FAM20C: variants seen among roughly 807,000 people sequenced by gnomAD.
FAM20C encodes extracellular serine/threonine protein kinase FAM20C.
Under a neutral mutation model 51.5 loss-of-function variants are expected in FAM20C, and 40 were observed. The ratio of observed to expected loss-of-function variants is 0.78; its 90% CI spans 0.60 to 1.01. FAM20C has a LOEUF of 1.01. Among genes scored for constraint, FAM20C ranks in the 50% least tolerant of loss-of-function variants. The pLI is 0.00. For synonymous variants in FAM20C, 406 were observed against 380.6 expected (o/e 1.07, Z -0.78); for missense variants, 861 against 844.7 (o/e 1.02, Z -0.24).
chr7:210,836 T>A (rs1322493331), intron 3 of FAM20C, among the ~76,000 whole-genome samples: 2 of 151,956 alleles, frequency 1.3e-5, no homozygotes, highest in Non-Finnish European at 2.9e-5. Flanking sequence ...TGGAGAACGG[T>A]GACATTTACC....
intron 2 of FAM20C, among the ~76,000 whole-genome samples, chr7:205,219 C>A (rs1422790182): frequency 6.6e-6 from 1 of 152,010 alleles, no homozygotes; most frequent in African/African-American, 2.4e-5. Context: ...AGTCTTCCCA[C>A]AGCCTCCCGA....
intron 3 of FAM20C, among the ~76,000 whole-genome samples, chr7:232,997 G>T (rs1490308458): frequency 6.6e-6 from 1 of 152,236 alleles, no homozygotes; most frequent in African/African-American, 2.4e-5. Context: ...AACAGCAGGA[G>T]CTGGTGTGTG....
At chr7:222,776 G>C (rs1219392502) in intron 3 of FAM20C, among the ~76,000 whole-genome samples, 1 of 152,184 alleles carries the variant, frequency 6.6e-6, no homozygotes, top group African/African-American at 2.4e-5. Context: ...GTATGAGTAG[G>C]TGAGCGTGTG....
intron 3 of FAM20C, among the ~76,000 whole-genome samples, chr7:216,549 G>A (rs1197848234): frequency 1.3e-5 from 2 of 151,898 alleles, no homozygotes; most frequent in Non-Finnish European, 2.9e-5. Flanking sequence ...ATGCTGGCCG[G>A]GGAATCTTTT....
rs1236812816 is a variant in FAM20C, at chr7:216,409, TGG to T, written c.863+7440_863+7441del. Among the ~76,000 whole-genome samples the T allele has an allele frequency of 3.7e-3, 22 of 5,920 alleles. 1 individual carries two copies. The highest frequency in any genetic ancestry group is 0.018 in the African/African-American group (17 of 954). The allele number at this position is 5,920 out of a possible 152,430, so 3.9% of individuals were successfully genotyped here. On this transcript the variant is annotated intron_variant, in intron 3 of 9. Coordinates refer to ENST00000313766, the MANE Select transcript of FAM20C (RefSeq NM_020223.4). ...GGTGTATGGAGAGGATGGGGCTGGG[TGG>T]GGGGGGCAGGGCCCCTGGTGTATGG...
chr7:212,704 C>A (rs1233632412), intron 3 of FAM20C, among the ~76,000 whole-genome samples: 1 of 152,180 alleles, frequency 6.6e-6, no homozygotes, highest in African/African-American at 2.4e-5. Context: ...CTAATAGTCG[C>A]TGAAAAGCAC....
Position 258,718 on chromosome 7 carries a change from C to A in FAM20C, c.1505+13C>A, listed in dbSNP as rs143984648. On this transcript the variant is annotated intron_variant, in intron 9 of 9. Coordinates refer to ENST00000313766, the MANE Select transcript of FAM20C (RefSeq NM_020223.4). ...AGCAGTGCTGCAGGTACAGCCCCTG[C>A]CGGAGCCGGCTCCAGCTCCACCCTC... The A allele has an allele frequency of 1.4e-3, 2,166 of 1,532,392 alleles. 24 individuals carry two copies. In the African/African-American group the frequency reaches 0.027, roughly 19 times the overall value. 94.9% of individuals were successfully genotyped at this position (1,532,392 alleles called of 1,614,324 possible).
intron 3 of FAM20C, among the ~76,000 whole-genome samples, chr7:212,220 C>T (rs527402896): frequency 5.3e-5 from 8 of 152,342 alleles, no homozygotes; most frequent in South Asian, 4.1e-4. Flanking sequence ...CCCAGCACTT[C>T]GGGAGGCCGA....
chr7:245,802 A>T (rs1002147883), intron 3 of FAM20C: 1 of 152,282 alleles, frequency 6.6e-6, no homozygotes, highest in Non-Finnish European at 1.5e-5. Context: ...GACCTTTCAT[A>T]AACAGCCCCA....
In FAM20C at chr7:206,740, C is replaced by T. The variant is rs113447056; in HGVS notation, c.785-2158C>T. Among the ~76,000 whole-genome samples, 91 of 127,980 alleles carry T rather than the reference C, an allele frequency of 7.1e-4. 1 individual carries two copies. The highest frequency in any genetic ancestry group is 6.5e-4 in the Non-Finnish European group (41 of 63,054). 84.0% of individuals were successfully genotyped at this position (127,980 alleles called of 152,430 possible). A position where few individuals can be genotyped will look rare whatever the true frequency, so the allele number is the denominator to read the frequency against. On this transcript the variant is annotated intron_variant, in intron 2 of 9. Coordinates refer to ENST00000313766, the MANE Select transcript of FAM20C (RefSeq NM_020223.4). ...GTCATGGTCCCCTCGGCCCCGCACA[C>T]GTGCTCACTGTCCACTGTGACGCGT...
rs557250711 is a variant in FAM20C, at chr7:196,572, C to A, written c.784+840C>A. ...TGGGCAGGTGCAGAGGCCATGACAG[C>A]CTGAAGGCAGGGCTTTCTTTGCGCT... On this transcript the variant is annotated intron_variant, in intron 2 of 9. Transcript: ENST00000313766. 2.0e-5 allele frequency among the ~76,000 whole-genome samples: 3 copies of A among 152,276 alleles called. 1 individual carries two copies. The South Asian group carries it at 6.2e-4, about 32-fold the overall frequency.
intron 3 of FAM20C, among the ~76,000 whole-genome samples, chr7:241,762 GGTGTGTGTGCATGAGCGA>G (rs1470885624): frequency 6.6e-6 from 1 of 151,436 alleles, no homozygotes; most frequent in African/African-American, 2.4e-5. Flanking sequence ...TGTGCAGGTG[GGTGTGTGTGCATGAGCGA>G]GTGTGTGTGC....
chr7:195,761 G>A (rs771123460), intron 2 of FAM20C, 29 bp downstream of exon 2: 84 of 1,532,684 alleles, frequency 5.5e-5, no homozygotes, highest in Non-Finnish European at 6.6e-5. Context: ...ACTCAGGGCC[G>A]TCTGTGTGCC....
At chr7:254,859 C>A (rs1788528885) in intron 5 of FAM20C, among the ~76,000 whole-genome samples, 1 of 152,224 alleles carries the variant, frequency 6.6e-6, no homozygotes, top group African/African-American at 2.4e-5. Flanking sequence ...CGACGTGTGG[C>A]CTCCTCTGTC....
At chr7:237,721 G>A (rs1438147692) in intron 3 of FAM20C, among the ~76,000 whole-genome samples, 1 of 151,194 alleles carries the variant, frequency 6.6e-6, no homozygotes, top group Non-Finnish European at 1.5e-5. Flanking sequence ...TAATGGTGAT[G>A]AAGGATGGTA....
At chr7:247,769 G>A (rs1051121869) in intron 4 of FAM20C, among the ~76,000 whole-genome samples, 5 of 152,298 alleles carry the variant, frequency 3.3e-5, no homozygotes, top group Admixed American at 2.0e-4. Flanking sequence ...CAGGCGAGCC[G>A]TCTGACAGGT....
intron 3 of FAM20C, among the ~76,000 whole-genome samples, chr7:226,914 G>A (rs987063029): frequency 5.3e-5 from 8 of 152,170 alleles, no homozygotes; most frequent in South Asian, 4.1e-4. Context: ...CAGAGAGTGC[G>A]GTTCTGGGCC....
chr7:246,951 C>G (rs893254313), intron 4 of FAM20C, among the ~76,000 whole-genome samples: 1 of 152,166 alleles, frequency 6.6e-6, no homozygotes, highest in African/African-American at 2.4e-5. Context: ...CTCCTGCACC[C>G]CCACAGTTCA....
At chr7:233,606 G>T (rs898436481) in intron 3 of FAM20C, among the ~76,000 whole-genome samples, 6 of 152,132 alleles carry the variant, frequency 3.9e-5, no homozygotes, top group African/African-American at 7.2e-5. Context: ...TGGCGGCTGG[G>T]GTCCCTCCTC....
Sources: gnomAD v4.1 joint callset for allele counts (sites outside exome capture counted in the v4.1 genomes callset) on GRCh38, gnomAD v4.1.1 for gene constraint, MANE v1.5 for transcripts, NCBI Gene and HGNC (gene_info 2026-07-23, HGNC 2026-07-21) for gene names.